Variants in CHL1 observed in about 807,000 individuals in gnomAD.
CHL1 encodes the protein neural cell adhesion molecule L1-like protein.
Under a neutral mutation model 141.9 loss-of-function variants are expected in CHL1, and 96 were observed. The observed-to-expected ratio is 0.68, with a 90% confidence interval of 0.57 to 0.80. The LOEUF (loss-of-function observed/expected upper bound fraction) is 0.80, where lower values mean the gene tolerates loss of function less well. Among genes scored for constraint, CHL1 ranks in the 30% least tolerant of loss-of-function variants. CHL1 has a pLI of 0.00. For synonymous variants in CHL1, 613 were observed against 502.2 expected (o/e 1.22, Z -2.95); for missense variants, 1,820 against 1,457.2 (o/e 1.25, Z -4.05).
At chr3:366,679 G>A (rs1704933908) in intron 15 of CHL1, among the ~76,000 whole-genome samples, 2 of 141,778 alleles carry the variant, frequency 1.4e-5, no homozygotes, top group South Asian at 4.5e-4. Flanking sequence ...GGGCTTGGAT[G>A]GTTGCAAAAA....
chr3:337,230 G>A (rs1241356723), intron 5 of CHL1, among the ~76,000 whole-genome samples: 11 of 124,070 alleles, frequency 8.9e-5, no homozygotes, highest in Non-Finnish European at 1.4e-4. Flanking sequence ...TTGCTCTGTC[G>A]CCCAGGCTGG....
intron 2 of CHL1, among the ~76,000 whole-genome samples, chr3:264,784 T>C (rs143374952): frequency 6.6e-6 from 1 of 152,350 alleles, no homozygotes; most frequent in Non-Finnish European, 1.5e-5. Context: ...CTTCTGTCTC[T>C]TTCGCAATGG....
chr3:267,830 A>G (rs138441393), intron 2 of CHL1, among the ~76,000 whole-genome samples: 3 of 152,220 alleles, frequency 2.0e-5, no homozygotes, highest in African/African-American at 7.2e-5. Context: ...AATGTGAACT[A>G]TTTCCAAAAT....
chr3:364,547 T>C (rs1704626911), intron 14 of CHL1, among the ~76,000 whole-genome samples: 1 of 152,190 alleles, frequency 6.6e-6, no homozygotes, highest in Admixed American at 6.5e-5. Context: ...GCCAGAGAGA[T>C]GGACAAGTTT....
At chr3:315,619 T>G (rs992184783) in intron 2 of CHL1, among the ~76,000 whole-genome samples, 1 of 152,058 alleles carries the variant, frequency 6.6e-6, no homozygotes, top group Non-Finnish European at 1.5e-5. Flanking sequence ...ATTTCCTTTT[T>G]GTTGTGTTGG....
chr3:358,024 A>G (rs1430906262), intron 11 of CHL1, among the ~76,000 whole-genome samples: 1 of 152,224 alleles, frequency 6.6e-6, no homozygotes, highest in Non-Finnish European at 1.5e-5. Context: ...GCAAGAAATA[A>G]GTGATAAATT....
intron 22 of CHL1, among the ~76,000 whole-genome samples, chr3:391,409 G>A (rs535192465): frequency 5.3e-5 from 8 of 152,190 alleles, no homozygotes; most frequent in South Asian, 2.1e-4. Context: ...CCAGCTACTC[G>A]GGAGGCTGAG....
In CHL1 at chr3:409,242, G is replaced by A. The variant is rs1431497148; in HGVS notation, c.*3531G>A. On this transcript the variant is annotated 3_prime_UTR_variant, in exon 28 of 28. Transcript: ENST00000256509. ...TGAAAGGTATGTAGAACAGGTTCAC[G>A]TGATTACCTTTTTCTTTTGGCTTGG... is the stretch of plus-strand genomic sequence containing the variant. 2.6e-5 allele frequency: 4 copies of A among 152,028 alleles called. No individual in the cohort carries two copies. The highest frequency in any genetic ancestry group is 4.4e-5 in the Non-Finnish European group (3 of 67,966). The allele number at this position is 152,028 out of a possible 1,614,324, so 9.4% of individuals were successfully genotyped here.
intron 1 of CHL1, among the ~76,000 whole-genome samples, chr3:227,647 G>T (rs535278574): frequency 6.6e-6 from 1 of 152,330 alleles, no homozygotes; most frequent in South Asian, 2.1e-4. Context: ...TATCAGAGAT[G>T]AAATGTCAGC....
chr3:219,376 T>A (rs1305920877), intron 1 of CHL1, among the ~76,000 whole-genome samples: 1 of 152,134 alleles, frequency 6.6e-6, no homozygotes, highest in South Asian at 2.1e-4. Context: ...GACACATTCA[T>A]ATGTATGTTC....
intron 2 of CHL1, among the ~76,000 whole-genome samples, chr3:311,660 G>A (rs570492252): frequency 6.6e-6 from 1 of 152,268 alleles, no homozygotes; most frequent in East Asian, 1.9e-4. Context: ...CTGGCCATGT[G>A]GGATGCTCCA....
chr3:313,487 A>G (rs1175571328), intron 2 of CHL1, among the ~76,000 whole-genome samples: 1 of 152,170 alleles, frequency 6.6e-6, no homozygotes, highest in Non-Finnish European at 1.5e-5. Context: ...CGAAGCATTT[A>G]CTATTCATTA....
rs549038047 is a variant in CHL1, at chr3:216,842, A to G, written c.-175+19779A>G. On this transcript the variant is annotated intron_variant, in intron 1 of 27. Transcript: ENST00000256509. The stretch of plus-strand genomic sequence containing the variant: ...AGCAATGCTGATATATGGAAATGCC[A>G]TGATAGAGGCTCAGAAGCTAACACT... Among the ~76,000 whole-genome samples the G allele has an allele frequency of 7.9e-5, 12 of 152,294 alleles. No individual in the cohort carries two copies. In the South Asian group the frequency reaches 1.7e-3, roughly 21 times the overall value.
intron 2 of CHL1, among the ~76,000 whole-genome samples, chr3:294,715 A>G (rs1046162299): frequency 3.3e-5 from 5 of 152,152 alleles, no homozygotes; most frequent in African/African-American, 1.2e-4. Flanking sequence ...GGAAACTAAT[A>G]TAGTCAATAT....
chr3:266,389 G>C (rs1298683618), intron 2 of CHL1, among the ~76,000 whole-genome samples: 1 of 152,164 alleles, frequency 6.6e-6, no homozygotes, highest in Non-Finnish European at 1.5e-5. Context: ...GAAGCAACCT[G>C]GTTAGAAGGG....
At chr3:225,303 G>A (rs1701213919) in intron 1 of CHL1, among the ~76,000 whole-genome samples, 1 of 152,184 alleles carries the variant, frequency 6.6e-6, no homozygotes, top group Non-Finnish European at 1.5e-5. Flanking sequence ...CTCAGAGAGT[G>A]TACAGTCTAC....
chr3:245,736 G>A (rs455357), intron 2 of CHL1, among the ~76,000 whole-genome samples: 69,966 of 151,890 alleles, frequency 0.46, 17,163 homozygotes, highest in South Asian at 0.65. Context: ...GAAAATCTTG[G>A]CTTTATGGGT....
rs1159653988 is a variant in CHL1, at chr3:322,668, ATAAT to A, written c.91+2804_91+2807del. On this transcript the variant is annotated intron_variant, in intron 3 of 27. Coordinates refer to ENST00000256509, the MANE Select transcript of CHL1 (RefSeq NM_006614.4). ...AAAATATATATATATATATATATAT[ATAAT>A]TATATATATATATATAAAACGAATA... Among the ~76,000 whole-genome samples the A allele has an allele frequency of 1.1e-3, 154 of 136,308 alleles. 1 individual carries two copies. The highest frequency in any genetic ancestry group is 3.7e-3 in the African/African-American group (126 of 33,802). The allele number at this position is 136,308 out of a possible 152,430, so 89.4% of individuals were successfully genotyped here. A position where few individuals can be genotyped will look rare whatever the true frequency, so the allele number is the denominator to read the frequency against.
At chr3:267,011 A>G (rs1695213824) in intron 2 of CHL1, among the ~76,000 whole-genome samples, 1 of 152,218 alleles carries the variant, frequency 6.6e-6, no homozygotes, top group Non-Finnish European at 1.5e-5. Context: ...ATTTACCTGC[A>G]TAATTTGTCC....
Sources: allele counts gnomAD v4.1 joint callset (sites outside exome capture counted in the v4.1 genomes callset), GRCh38; gene constraint gnomAD v4.1.1; transcripts MANE v1.5; gene names NCBI Gene and HGNC (gene_info 2026-07-23, HGNC 2026-07-21).